The following THSD7B variants were observed in gnomAD, a reference collection of about 807,000 sequenced individuals.
THSD7B encodes thrombospondin type-1 domain-containing protein 7B.
In THSD7B, 138 loss-of-function variants were observed where a neutral mutation model predicts 213.6. The observed-to-expected ratio is 0.65, with a 90% CI of 0.56 to 0.74. THSD7B has a LOEUF of 0.74. Among genes scored for constraint, THSD7B ranks in the 30% least tolerant of loss-of-function variants. The probability of loss-of-function intolerance (pLI) is 0.00; values close to 1 mark genes in which losing one functional copy is unlikely to be tolerated. For synonymous variants in THSD7B, 742 were observed against 687.0 expected (o/e 1.08, Z -1.25); for missense variants, 1,931 against 1,991.5 (o/e 0.97, Z 0.58).
At chr2:137,251,295 CTG>C (rs1430350523) in intron 10 of THSD7B, among the ~76,000 whole-genome samples, 4 of 152,154 alleles carry the variant, frequency 2.6e-5, no homozygotes, top group Non-Finnish European at 5.9e-5. Context: ...AGATTTGTCT[CTG>C]TTTTCCTGGC....
At chr2:137,255,594 C>T (rs1311607915) in intron 10 of THSD7B, among the ~76,000 whole-genome samples, 2 of 152,134 alleles carry the variant, frequency 1.3e-5, no homozygotes, top group African/African-American at 4.8e-5. Flanking sequence ...CCTTTACTTC[C>T]CTTTAGCTAT....
chr2:137,497,231 A>T (rs1200390285), intron 15 of THSD7B, among the ~76,000 whole-genome samples: 1 of 146,412 alleles, frequency 6.8e-6, no homozygotes, highest in Non-Finnish European at 1.5e-5. Flanking sequence ...ACACACACAC[A>T]CTAGATCTCA....
At chr2:137,656,687 G>A (rs1683241968) in intron 22 of THSD7B, 109 bp from the exon 23 acceptor site, 2 of 988,356 alleles carry the variant, frequency 2.0e-6, no homozygotes, top group Non-Finnish European at 1.5e-6. Flanking sequence ...TGTAGTATCA[G>A]GAACTGCATG....
chr2:137,417,226 T>A (rs1686818226), intron 14 of THSD7B, among the ~76,000 whole-genome samples: 1 of 152,214 alleles, frequency 6.6e-6, no homozygotes, highest in African/African-American at 2.4e-5. Context: ...AATTTAATAT[T>A]AATGTATTTA....
intron 16 of THSD7B, among the ~76,000 whole-genome samples, chr2:137,565,248 AT>A (rs1211133692): frequency 6.6e-6 from 1 of 152,146 alleles, no homozygotes; most frequent in Non-Finnish European, 1.5e-5. Flanking sequence ...AGCTCTTTTT[AT>A]TTTGCTATGA....
intron 15 of THSD7B, among the ~76,000 whole-genome samples, chr2:137,458,450 C>G (rs1299440541): frequency 1.3e-5 from 2 of 152,100 alleles, no homozygotes; most frequent in Admixed American, 6.5e-5. Flanking sequence ...GTTTCATCTC[C>G]TGTTACAATT....
chr2:137,414,006 A>G (rs1342972559), intron 14 of THSD7B, among the ~76,000 whole-genome samples: 1 of 152,216 alleles, frequency 6.6e-6, no homozygotes. Context: ...CGTCTTTTCT[A>G]TATGTTATCT....
chr2:137,651,338 A>G (rs748038759), intron 21 of THSD7B, among the ~76,000 whole-genome samples: 3 of 152,066 alleles, frequency 2.0e-5, no homozygotes, highest in Non-Finnish European at 4.4e-5. Context: ...AATTTAGTCT[A>G]AGTTCTTCAA....
chr2:136,957,395 T>C (rs545906149), intron 2 of THSD7B, among the ~76,000 whole-genome samples: 1 of 150,838 alleles, frequency 6.6e-6, no homozygotes, highest in East Asian at 1.9e-4. Context: ...AGAGTCCTGC[T>C]GTAACTATTT....
intron 7 of THSD7B, among the ~76,000 whole-genome samples, chr2:137,228,980 G>A (rs1009658099): frequency 2.0e-5 from 3 of 152,130 alleles, no homozygotes; most frequent in Non-Finnish European, 4.4e-5. Context: ...ATTTCTGAAA[G>A]AAAGATAGAG....
chr2:136,876,931 T>C (rs930567414), intron 1 of THSD7B, among the ~76,000 whole-genome samples: 1 of 152,146 alleles, frequency 6.6e-6, no homozygotes, highest in Non-Finnish European at 1.5e-5. Context: ...CTGAGGCTCT[T>C]CTCCAGCTCT....
chr2:137,233,491 GCTTTGA>G lies in THSD7B; in HGVS notation c.2150+359_2150+364del, dbSNP rs1351664549. ...AGGTCAACATAAAGCTAGGTTCTGT[GCTTTGA>G]AATATAGGGTTGTGTCTTACTCTTC... On this transcript the variant is annotated intron_variant, in intron 9 of 27. Coordinates refer to ENST00000409968, the MANE Select transcript of THSD7B (RefSeq NM_001316349.2). Among the ~76,000 whole-genome samples the G allele has an allele frequency of 7.9e-5, 12 of 152,196 alleles. No individual in the cohort carries two copies. The East Asian group carries it at 1.9e-3, about 25-fold the overall frequency.
chr2:137,012,637 A>G (rs1686252698), intron 2 of THSD7B, among the ~76,000 whole-genome samples: 1 of 152,176 alleles, frequency 6.6e-6, no homozygotes, highest in African/African-American at 2.4e-5. Context: ...GCAATTATTG[A>G]ATGTTGGAGA....
chr2:137,209,446 G>T (rs1269871327), intron 7 of THSD7B, among the ~76,000 whole-genome samples: 1 of 151,962 alleles, frequency 6.6e-6, no homozygotes, highest in Non-Finnish European at 1.5e-5. Context: ...CTATTACAAG[G>T]TCCCACAGGG....
At chr2:137,101,510 C>T (rs554686564) in intron 4 of THSD7B, among the ~76,000 whole-genome samples, 1 of 152,314 alleles carries the variant, frequency 6.6e-6, no homozygotes, top group South Asian at 2.1e-4. Flanking sequence ...TTTCATATCC[C>T]AGTGGCACCT....
intron 1 of THSD7B, among the ~76,000 whole-genome samples, chr2:136,844,925 T>C (rs143280119): frequency 6.6e-6 from 1 of 152,370 alleles, no homozygotes; most frequent in Non-Finnish European, 1.5e-5. Context: ...CAAGCCTGAA[T>C]TGCACTTCAC....
intron 2 of THSD7B, among the ~76,000 whole-genome samples, chr2:137,026,562 T>C (rs1686559870): frequency 6.6e-6 from 1 of 152,188 alleles, no homozygotes; most frequent in South Asian, 2.1e-4. Flanking sequence ...CCTTTTGATC[T>C]TTTTGCTTCC....
intron 12 of THSD7B, among the ~76,000 whole-genome samples, chr2:137,319,098 A>T (rs893899163): frequency 6.6e-6 from 1 of 151,790 alleles, no homozygotes; most frequent in African/African-American, 2.4e-5. Flanking sequence ...AGGGTATAAT[A>T]CCTCTTATAA....
intron 6 of THSD7B, among the ~76,000 whole-genome samples, chr2:137,165,133 G>A (rs1415938183): frequency 6.6e-6 from 1 of 152,266 alleles, no homozygotes; most frequent in Non-Finnish European, 1.5e-5. Flanking sequence ...GCAGAGTTTA[G>A]GGACATGTTG....
Sources: allele counts gnomAD v4.1 joint callset (sites outside exome capture counted in the v4.1 genomes callset), GRCh38; gene constraint gnomAD v4.1.1; transcripts MANE v1.5; gene names NCBI Gene and HGNC (gene_info 2026-07-23, HGNC 2026-07-21).